The following SPTB variants were observed in gnomAD, a reference collection of about 807,000 sequenced individuals.
The protein encoded by SPTB is spectrin beta chain, erythrocytic.
In SPTB, 45 loss-of-function variants were observed where a neutral mutation model predicts 256.2. The ratio of observed to expected loss-of-function variants is 0.18; its 90% CI spans 0.14 to 0.23. The LOEUF (loss-of-function observed/expected upper bound fraction) is 0.23, where lower values mean the gene tolerates loss of function less well. SPTB is among the 10% of genes least tolerant of loss of function. SPTB has a pLI of 1.00. For missense variants in SPTB, 2,715 were observed against 3,040.4 expected (o/e 0.89, Z 2.52); for synonymous variants, 1,231 against 1,243.1 (o/e 0.99, Z 0.21).
At position 64,823,447 on chromosome 14, in the gene SPTB, C is replaced by CCCG. The variant is rs1456305086; in HGVS notation, c.-51-305_-51-303dup. On this transcript the variant is annotated intron_variant, in intron 1 of 35. Transcript: ENST00000644917. This position sits in a 1 kb window ranked among gnomAD's most constrained non-coding sequence, Gnocchi z 6.5. ...CAGCTGCTTCCTCCAGACCAGCCGC[C>CCCG]CCGCCGCGGGGAGCACCCCGGGAGA... 6.6e-6 allele frequency among the ~76,000 whole-genome samples: 1 copy of CCCG among 152,196 alleles called. No individual in the cohort carries two copies. The highest frequency in any genetic ancestry group is 1.5e-5 in the Non-Finnish European group (1 of 68,040).
rs1463913024 is a variant in SPTB, at chr14:64,792,566, G to A, written c.2666+431C>T. ...GGGGTGAGAGTGGCCTTGCAGACAG[G>A]GGGTTTGCAAATTCTCTCTGTGGCC... On this transcript the variant is annotated intron_variant, in intron 14 of 35. Coordinates refer to ENST00000644917, the MANE Select transcript of SPTB (RefSeq NM_001355436.2). This position sits in a 1 kb window ranked among gnomAD's most constrained non-coding sequence, Gnocchi z 4.2. Among the ~76,000 whole-genome samples the A allele has an allele frequency of 6.6e-6, 1 of 152,088 alleles. No individual in the cohort carries two copies. The highest frequency in any genetic ancestry group is 1.5e-5 in the Non-Finnish European group (1 of 68,010).
At position 64,779,845 on chromosome 14, in the gene SPTB, A is replaced by C. The variant is rs1431504811; in HGVS notation, c.4353T>G (p.Asp1451Glu). The C allele has an allele frequency of 6.2e-7, 1 of 1,613,852 alleles. No individual in the cohort carries two copies. The highest frequency in any genetic ancestry group is 1.1e-5 in the South Asian group (1 of 91,074). Residue 1451 changes from aspartate to glutamate, a missense_variant, in exon 21 of 36, where the codon GAT becomes GAG. This residue lies in a region of SPTB where 2,239 missense variants were observed against 2,384.4 expected (regional missense o/e 0.94). Transcript: ENST00000644917. This position sits in a 1 kb window ranked among gnomAD's most constrained non-coding sequence, Gnocchi z 4.2. ...ACCGCTTCTCGATGCTCAAGTCTGCATCTCCTCCCTCCTCTCCCATTGAAG... is the reference window on the plus strand; with the variant it reads ...ACCGCTTCTCGATGCTCAAGTCTGCCTCTCCTCCCTCCTCTCCCATTGAAG... ...QVPSMGEEGG[D>E]ADLSIEKRFL...
In SPTB at chr14:64,791,724, G is replaced by A. The variant is rs912554176; in HGVS notation, c.2799C>T (p.Asn933=). 60 of 1,614,030 alleles carry A rather than the reference G, an allele frequency of 3.7e-5. No individual in the cohort carries two copies. Among genetic ancestry groups the A allele is most frequent in the Non-Finnish European group, 4.7e-5 (56 of 1,180,028 alleles). The part of the protein sequence containing the change: ...REVKQYQDHL[N]TRWQAFQTLV... ...ATGCCCTACCCACACCCCACCTGGT[G>A]TTCAGATGGTCCTGGTACTGCTTCA... The change falls in exon 15 of 36, where the codon AAC becomes AAT. Residue 933 remains asparagine (N), a synonymous_variant. Coordinates refer to ENST00000644917, the MANE Select transcript of SPTB (RefSeq NM_001355436.2).
intron 32 of SPTB, among the ~76,000 whole-genome samples, chr14:64,765,920 G>A (rs2082168382): frequency 6.7e-6 from 1 of 148,878 alleles, no homozygotes. Flanking sequence ...GGTGTGGTGT[G>A]TATGAGTGTG....
rs1178953566 is a variant in SPTB, at chr14:64,760,866, C to T, written c.6345+5860G>A. ...ACACATTAGTGAGGAATGTTGAGGT[C>T]GCAGGTCTGTCTGGCACCAAACTCT... On this transcript the variant is annotated intron_variant, in intron 32 of 35. Transcript: ENST00000644917. This position sits in a 1 kb window ranked among gnomAD's most constrained non-coding sequence, Gnocchi z 4.3. Among the ~76,000 whole-genome samples, 1 of 152,180 alleles carries T rather than the reference C, an allele frequency of 6.6e-6. No homozygotes were observed. Among genetic ancestry groups the T allele is most frequent in the Non-Finnish European group, 1.5e-5 (1 of 68,028 alleles).
At chr14:64,871,361 G>C (rs768045493) in intron 1 of SPTB, among the ~76,000 whole-genome samples, 61 of 152,084 alleles carry the variant, frequency 4.0e-4, no homozygotes, top group Non-Finnish European at 6.9e-4. Flanking sequence ...AGTGGTAAAA[G>C]AGTAGAAAAA....
At chr14:64,859,687 T>G (rs1399340880) in intron 1 of SPTB, among the ~76,000 whole-genome samples, 1 of 54,328 alleles carries the variant, frequency 1.8e-5, no homozygotes, top group Non-Finnish European at 3.9e-5. Context: ...TCTGTCTCTC[T>G]CTCTCTGTCT....
chr14:64,830,369 TA>T (rs2083436040), intron 1 of SPTB, among the ~76,000 whole-genome samples: 1 of 99,320 alleles, frequency 1.0e-5, no homozygotes, highest in East Asian at 2.6e-4. Context: ...TTATTATTAT[TA>T]TTATTATTAT....
At position 64,771,042 on chromosome 14, in the gene SPTB, C is replaced by A. The variant is rs1328396050; in HGVS notation, c.5641G>T (p.Val1881Leu). ...AEAIQNKEQEVSAAWQALLDA... is the reference protein window; with the variant it reads ...AEAIQNKEQELSAAWQALLDA... ...AGCAGCGCCTGCCACGCGGCAGACA[C>A]CTCCTGCTCCTTGTTCTGGATGGCC... Residue 1881 changes from valine (V) to leucine (L), a missense_variant, in exon 27 of 36, where the codon GTG becomes TTG. By Grantham distance (32) the Val-to-Leu change is conservative. This residue lies in a region of SPTB where 2,239 missense variants were observed against 2,384.4 expected (regional missense o/e 0.94). Coordinates refer to ENST00000644917, the MANE Select transcript of SPTB (RefSeq NM_001355436.2). The A allele has an allele frequency of 6.2e-7, 1 of 1,614,072 alleles. No homozygotes were observed. Among genetic ancestry groups the A allele is most frequent in the Non-Finnish European group, 8.5e-7 (1 of 1,180,062 alleles).
intron 1 of SPTB, among the ~76,000 whole-genome samples, chr14:64,837,560 G>A (rs1169594713): frequency 6.6e-6 from 1 of 152,094 alleles, no homozygotes; most frequent in Non-Finnish European, 1.5e-5. Flanking sequence ...CAAAATCCCA[G>A]GAGAACTTTT....
Position 64,827,405 on chromosome 14 carries a change from G to A in SPTB, c.-51-4260C>T, listed in dbSNP as rs147964863. Among the ~76,000 whole-genome samples, 20 of 152,264 alleles carry A rather than the reference G, an allele frequency of 1.3e-4. No homozygotes were observed. The highest frequency in any genetic ancestry group is 3.4e-3 in the Middle Eastern group (1 of 294). On this transcript the variant is annotated intron_variant, in intron 1 of 35. Transcript: ENST00000644917. The surrounding 1 kb of genome is among the most constrained non-coding windows in gnomAD (Gnocchi z 4.6). ...CTTAAACAGTATTGCTCCTTCCACTGTATTGTTATCTTCTCTCTAGCTGTA... is the reference window on the plus strand; with the variant it reads ...CTTAAACAGTATTGCTCCTTCCACTATATTGTTATCTTCTCTCTAGCTGTA...
rs548189191 is a variant in SPTB at position 64,825,359 on chromosome 14, C to A, written c.-51-2214G>T. 6.8e-4 allele frequency among the ~76,000 whole-genome samples: 104 copies of A among 152,346 alleles called. 2 individuals carry two copies. The South Asian group carries it at 0.022, about 32-fold the overall frequency. ...AGACCACCCTTGTGCCTTTGAACAGCCTGTCCTCTTCTGCAGATGGACTTG... is the reference window on the plus strand; with the variant it reads ...AGACCACCCTTGTGCCTTTGAACAGACTGTCCTCTTCTGCAGATGGACTTG... On this transcript the variant is annotated intron_variant, in intron 1 of 35. Coordinates refer to ENST00000644917, the MANE Select transcript of SPTB (RefSeq NM_001355436.2). The surrounding 1 kb of genome is among the most constrained non-coding windows in gnomAD (Gnocchi z 4.8).
chr14:64,773,708 A>G (rs555491966), intron 24 of SPTB, among the ~76,000 whole-genome samples: 31 of 152,298 alleles, frequency 2.0e-4, no homozygotes, highest in African/African-American at 7.0e-4. Context: ...GCAAATGGGG[A>G]ACGCCTCCAT....
At chr14:64,765,615 C>G (rs2082158143) in intron 32 of SPTB, among the ~76,000 whole-genome samples, 1 of 152,236 alleles carries the variant, frequency 6.6e-6, no homozygotes, top group Non-Finnish European at 1.5e-5. Context: ...AGGCTTCCTT[C>G]AAGTCTGTTC....
In SPTB at chr14:64,859,694, G is replaced by GTC. The variant is rs139838497; in HGVS notation, c.-52+20096_-52+20097dup. Among the ~76,000 whole-genome samples, 31 of 52,952 alleles carry GTC rather than the reference G, an allele frequency of 5.9e-4. No homozygotes were observed. The East Asian group carries it at 6.5e-3, about 11-fold the overall frequency. 34.7% of individuals were successfully genotyped at this position (52,952 alleles called of 152,430 possible). ...AGGGAGACTCTGTCTCTCTCTCTCT[G>GTC]TCTCTCTCTCTCTCTCTCTCTCTCT... On this transcript the variant is annotated intron_variant, in intron 1 of 35. Transcript: ENST00000644917.
chr14:64,775,220 C>G lies in SPTB; in HGVS notation c.4747G>C (p.Ala1583Pro). Reference protein sequence around the residue: ...AAGRLQRLRDANEAQQYYLDA... With the variant: ...AAGRLQRLRDPNEAQQYYLDA... ...AGGTAGTACTGCTGTGCCTCGTTGGCGTCCCTCAGTCGCTGCAGCCTCCCG... is the reference window on the plus strand; with the variant it reads ...AGGTAGTACTGCTGTGCCTCGTTGGGGTCCCTCAGTCGCTGCAGCCTCCCG... The change falls in exon 23 of 36, where the codon GCC (alanine) becomes CCC (proline). Residue 1583 changes from alanine to proline, a missense_variant. By Grantham distance (27) the Ala-to-Pro change is conservative (BLOSUM62 -1). Transcript: ENST00000644917. The surrounding 1 kb of genome is among the most constrained non-coding windows in gnomAD (Gnocchi z 5.0). 6.2e-7 allele frequency: 1 copy of G among 1,613,822 alleles called. No individual in the cohort carries two copies.
chr14:64,852,196 C>A lies in SPTB; in HGVS notation c.-52+27596G>T, dbSNP rs2083799233. ...ACGATGAGTGGGGATCAGAGCTGAG[C>A]CTTTGGGAGGAACAGGAGTTATCCA... On this transcript the variant is annotated intron_variant, in intron 1 of 35. Coordinates refer to ENST00000644917, the MANE Select transcript of SPTB (RefSeq NM_001355436.2). This position sits in a 1 kb window ranked among gnomAD's most constrained non-coding sequence, Gnocchi z 4.2. Among the ~76,000 whole-genome samples, 1 of 151,970 alleles carries A rather than the reference C, an allele frequency of 6.6e-6. No homozygotes were observed. The highest frequency in any genetic ancestry group is 1.5e-5 in the Non-Finnish European group (1 of 67,992).
At chr14:64,851,592 G>A (rs1013724490) in intron 1 of SPTB, among the ~76,000 whole-genome samples, 7 of 152,136 alleles carry the variant, frequency 4.6e-5, no homozygotes, top group Non-Finnish European at 1.0e-4. Context: ...TGTGTGCCAG[G>A]CCCTTTGCTA....
In SPTB at chr14:64,805,030, C is replaced by T. The variant is rs1293036930; in HGVS notation, c.209G>A (p.Arg70Gln). ...GAGATCGGTGATGCGGCAGGACACT[C>T]GAGCCAGGTGCGAGTTCACCCATTT... ...FTKWVNSHLA[R>Q]VSCRITDLYK... The change falls in exon 3 of 36, where the codon CGA becomes CAA. Residue 70 changes from arginine to glutamine, a missense_variant. Physicochemically the swap from Arg to Gln is conservative, Grantham distance 43 (BLOSUM62 1). Coordinates refer to ENST00000644917, the MANE Select transcript of SPTB (RefSeq NM_001355436.2). The T allele has an allele frequency of 4.3e-6, 7 of 1,613,720 alleles. No homozygotes were observed. The highest frequency in any genetic ancestry group is 2.2e-5 in the East Asian group (1 of 44,810).
Sources: allele counts gnomAD v4.1 joint callset (sites outside exome capture counted in the v4.1 genomes callset), GRCh38; gene constraint gnomAD v4.1.1; regional missense constraint gnomAD v4.1.1; non-coding constraint Gnocchi (gnomAD v3.1); transcripts MANE v1.5; gene names NCBI Gene and HGNC (gene_info 2026-07-23, HGNC 2026-07-21).